Variants in ITGBL1 observed in about 807,000 individuals in gnomAD.
ITGBL1 encodes the protein integrin subunit beta like 1.
Under a neutral mutation model 68.5 loss-of-function variants are expected in ITGBL1, and 51 were observed. That is an observed-to-expected ratio of 0.74 (90% confidence interval 0.59 to 0.94). The LOEUF (loss-of-function observed/expected upper bound fraction) is 0.94, where lower values mean the gene tolerates loss of function less well. Ranked by LOEUF, ITGBL1 falls within the 40% of genes least tolerant of loss-of-function variation. The pLI is 0.00. For missense variants in ITGBL1, 649 were observed against 647.4 expected (o/e 1.00, Z -0.03); for synonymous variants, 209 against 227.3 (o/e 0.92, Z 0.72).
chr13:101,594,430 C>T (rs1042173616), intron 6 of ITGBL1, among the ~76,000 whole-genome samples: 20 of 152,076 alleles, frequency 1.3e-4, no homozygotes, highest in South Asian at 8.3e-4. Flanking sequence ...TAAAAATCAA[C>T]TCAAAATGAA....
At chr13:101,488,923 C>T (rs1566698146) in intron 2 of ITGBL1, among the ~76,000 whole-genome samples, 1 of 152,164 alleles carries the variant, frequency 6.6e-6, no homozygotes, top group Non-Finnish European at 1.5e-5. Context: ...ATTTTGCCTG[C>T]AGCCGCTGAA....
chr13:101,596,450 A>G (rs1375453250), intron 6 of ITGBL1, among the ~76,000 whole-genome samples: 1 of 148,584 alleles, frequency 6.7e-6, no homozygotes, highest in Non-Finnish European at 1.5e-5. Flanking sequence ...ACACACACAC[A>G]AAGTTAACTG....
At chr13:101,474,641 G>T (rs549200958) in intron 2 of ITGBL1, among the ~76,000 whole-genome samples, 1 of 152,246 alleles carries the variant, frequency 6.6e-6, no homozygotes, top group African/African-American at 2.4e-5. Flanking sequence ...GCTGGCTTTG[G>T]GACTGACCCA....
intron 7 of ITGBL1, among the ~76,000 whole-genome samples, chr13:101,664,772 T>G (rs1331261910): frequency 6.6e-6 from 1 of 152,188 alleles, no homozygotes; most frequent in African/African-American, 2.4e-5. Context: ...CTCACTCTGT[T>G]GCCCAGGCTG....
intron 7 of ITGBL1, among the ~76,000 whole-genome samples, chr13:101,655,758 A>G (rs757493616): frequency 6.6e-6 from 1 of 152,246 alleles, no homozygotes; most frequent in Admixed American, 6.5e-5. Context: ...GTATGGAGGC[A>G]GATCTTATGA....
intron 7 of ITGBL1, among the ~76,000 whole-genome samples, chr13:101,624,162 T>C (rs967751118): frequency 1.3e-5 from 2 of 152,210 alleles, no homozygotes; most frequent in African/African-American, 4.8e-5. Flanking sequence ...TACTGCTTTC[T>C]CTGGGCAAAT....
chr13:101,501,192 G>A (rs972615023), intron 2 of ITGBL1, among the ~76,000 whole-genome samples: 5 of 152,116 alleles, frequency 3.3e-5, no homozygotes, highest in Non-Finnish European at 5.9e-5. Context: ...CTTTCTTCAG[G>A]AAAGGAAGGG....
intron 7 of ITGBL1, among the ~76,000 whole-genome samples, chr13:101,622,815 T>C (rs1290694692): frequency 1.3e-5 from 2 of 151,670 alleles, no homozygotes; most frequent in African/African-American, 4.8e-5. Flanking sequence ...ACGAGGCCTC[T>C]AGCCTAGTAT....
intron 7 of ITGBL1, among the ~76,000 whole-genome samples, chr13:101,630,772 G>A (rs1349156970): frequency 2.0e-5 from 3 of 152,222 alleles, no homozygotes; most frequent in Admixed American, 2.0e-4. Flanking sequence ...TTTTACAAGT[G>A]TACTTTTATT....
At chr13:101,644,140 A>T (rs1165749009) in intron 7 of ITGBL1, among the ~76,000 whole-genome samples, 1 of 152,146 alleles carries the variant, frequency 6.6e-6, no homozygotes, top group East Asian at 1.9e-4. Context: ...CCTGAACCTT[A>T]GTGGAAGCTT....
chr13:101,708,578 GT>G (rs2034315307), intron 9 of ITGBL1, among the ~76,000 whole-genome samples: 1 of 152,196 alleles, frequency 6.6e-6, no homozygotes, highest in Non-Finnish European at 1.5e-5. Flanking sequence ...TGTGCCGTGT[GT>G]CCCCTAAACA....
At chr13:101,611,798 G>A (rs1055882984) in intron 7 of ITGBL1, among the ~76,000 whole-genome samples, 4 of 151,920 alleles carry the variant, frequency 2.6e-5, no homozygotes, top group African/African-American at 4.8e-5. Flanking sequence ...TGACTCATCC[G>A]GACCCCTAGA....
chr13:101,578,675 G>A (rs372120645), intron 4 of ITGBL1, among the ~76,000 whole-genome samples: 19 of 152,342 alleles, frequency 1.2e-4, no homozygotes, highest in African/African-American at 4.3e-4. Context: ...CCCTTGACAA[G>A]TAGAAAGGGA....
chr13:101,550,928 C>T (rs940203276), intron 2 of ITGBL1, among the ~76,000 whole-genome samples: 3 of 152,164 alleles, frequency 2.0e-5, no homozygotes, highest in African/African-American at 7.2e-5. Flanking sequence ...CTACTTAAAA[C>T]TTAGTGTGAT....
intron 2 of ITGBL1, among the ~76,000 whole-genome samples, chr13:101,503,735 A>G (rs2048980638): frequency 6.6e-6 from 1 of 152,186 alleles, no homozygotes; most frequent in Non-Finnish European, 1.5e-5. Context: ...TTCAGTCTCA[A>G]TAGCTAAAAC....
chr13:101,714,015 T>A (rs1324491977), intron 9 of ITGBL1: 1 of 157,172 alleles, frequency 6.4e-6, no homozygotes, highest in Non-Finnish European at 1.4e-5. Flanking sequence ...ATTTAGTAGT[T>A]GTTTTAATTA....
chr13:101,511,099 C>CTAGA (rs1262481263), intron 2 of ITGBL1, among the ~76,000 whole-genome samples: 2 of 152,050 alleles, frequency 1.3e-5, no homozygotes, highest in African/African-American at 4.8e-5. Context: ...AGGATATTTC[C>CTAGA]TAGATTTTCT....
chr13:101,619,197 AT>A (rs2031488569), intron 7 of ITGBL1, among the ~76,000 whole-genome samples: 1 of 152,132 alleles, frequency 6.6e-6, no homozygotes, highest in East Asian at 1.9e-4. Context: ...TTCATTGATG[AT>A]TGTGGTAGGT....
chr13:101,680,634 A>G (rs1326025612), intron 7 of ITGBL1, among the ~76,000 whole-genome samples: 6 of 152,054 alleles, frequency 3.9e-5, no homozygotes, highest in Admixed American at 3.9e-4. Flanking sequence ...TACTTATTAA[A>G]ATATGATAAT....
Sources: allele counts gnomAD v4.1 joint callset (sites outside exome capture counted in the v4.1 genomes callset), GRCh38; gene constraint gnomAD v4.1.1; transcripts MANE v1.5; gene names NCBI Gene and HGNC (gene_info 2026-07-23, HGNC 2026-07-21).